The following PALM2AKAP2 variants were observed in gnomAD, a reference collection of about 807,000 sequenced individuals.
PALM2AKAP2 encodes PALM2 and AKAP2 fusion.
A neutral mutation model predicts 71.5 loss-of-function variants in PALM2AKAP2; 37 were observed. The ratio of observed to expected loss-of-function variants is 0.52; its 90% CI spans 0.40 to 0.68. The LOEUF (loss-of-function observed/expected upper bound fraction) is 0.68, where lower values mean the gene tolerates loss of function less well. Among genes scored for constraint, PALM2AKAP2 ranks in the 30% least tolerant of loss-of-function variants. The pLI, the probability that PALM2AKAP2 is intolerant of heterozygous loss-of-function variation, is 0.00. For synonymous variants in PALM2AKAP2, 468 were observed against 478.8 expected (o/e 0.98, Z 0.29); for missense variants, 1,224 against 1,191.8 (o/e 1.03, Z -0.40).
intron 1 of PALM2AKAP2, among the ~76,000 whole-genome samples, chr9:109,806,835 C>T (rs1024842375): frequency 4.6e-5 from 7 of 152,106 alleles, no homozygotes; most frequent in African/African-American, 1.7e-4. Context: ...CATCTATATA[C>T]CGTGGTAAGG....
chr9:109,949,939 A>G (rs1336464539), intron 6 of PALM2AKAP2, among the ~76,000 whole-genome samples: 2 of 152,322 alleles, frequency 1.3e-5, no homozygotes, highest in South Asian at 2.1e-4. Context: ...ACGGTGAGTC[A>G]GAGCCCTCTG....
At chr9:109,723,266 C>T (rs1367582023) in intron 1 of PALM2AKAP2, among the ~76,000 whole-genome samples, 1 of 152,168 alleles carries the variant, frequency 6.6e-6, no homozygotes, top group African/African-American at 2.4e-5. Flanking sequence ...GAGATCTCCT[C>T]CCCTGGCTCC....
Position 110,024,784 on chromosome 9 carries a change from CTT to C in PALM2AKAP2, c.582+8746_582+8747del. The C allele has an allele frequency of 6.5e-6, 4 of 616,204 alleles. No individual in the cohort carries two copies. In the South Asian group the frequency reaches 7.5e-5, roughly 11 times the overall value. The allele number at this position is 616,204 out of a possible 1,614,324, so 38.2% of individuals were successfully genotyped here. A position where few individuals can be genotyped will look rare whatever the true frequency, so the allele number is the denominator to read the frequency against. ...GGGTGATGACAGAGTATGACCCTGT[CTT>C]AAAAAAAAAAAAAGATATGCCAGTG... On this transcript the variant is annotated intron_variant, in intron 7 of 9. Coordinates refer to the PALM2AKAP2 transcript ENST00000302798.
intron 1 of PALM2AKAP2, among the ~76,000 whole-genome samples, chr9:110,056,115 C>T (rs1833834399): frequency 6.6e-6 from 1 of 152,228 alleles, no homozygotes; most frequent in Non-Finnish European, 1.5e-5. Flanking sequence ...TGCCTGACTT[C>T]AGCCTTAATG....
In PALM2AKAP2 at chr9:109,667,112, T is replaced by A. The variant is rs535331947; in HGVS notation, c.5+26246T>A. On this transcript the variant is annotated intron_variant, in intron 1 of 6. Transcript: ENST00000374531. ...AGCTGGAATGAACAACCTCCAACCA[T>A]GCTCGTATTCTGAGCCACTCAATTG... Among the ~76,000 whole-genome samples the A allele has an allele frequency of 2.6e-5, 4 of 152,272 alleles. No individual in the cohort carries two copies. In the East Asian group the frequency reaches 7.7e-4, roughly 29 times the overall value.
intron 1 of PALM2AKAP2, among the ~76,000 whole-genome samples, chr9:109,720,188 C>A (rs1169383939): frequency 1.3e-5 from 2 of 152,104 alleles, no homozygotes; most frequent in Non-Finnish European, 2.9e-5. Context: ...GGGGTTTCAC[C>A]ATGTTGGCCA....
intron 6 of PALM2AKAP2, among the ~76,000 whole-genome samples, chr9:109,983,184 A>G (rs189770130): frequency 9.9e-4 from 151 of 152,326 alleles, no homozygotes; most frequent in African/African-American, 3.6e-3. Flanking sequence ...GCGGACTCAC[A>G]TTAAAGTGTT....
In PALM2AKAP2 at chr9:110,094,253, G is replaced by A. The variant is rs571742228; in HGVS notation, c.157-41874G>A. On this transcript the variant is annotated intron_variant, in intron 1 of 3. Transcript: ENST00000374525. ...CTAATACCACAATGCACCACTGTAG[G>A]GTAGTTCCTCAGGAGAGAATAGTTT... Among the ~76,000 whole-genome samples, 6 of 152,268 alleles carry A rather than the reference G, an allele frequency of 3.9e-5. No homozygotes were observed. The South Asian group carries it at 1.2e-3, about 32-fold the overall frequency.
chr9:109,949,245 T>C (rs899783297), intron 6 of PALM2AKAP2, among the ~76,000 whole-genome samples: 5 of 152,142 alleles, frequency 3.3e-5, no homozygotes, highest in African/African-American at 9.7e-5. Flanking sequence ...AGTCGTCTCC[T>C]CACAGTCCTT....
At chr9:110,119,238 G>C (rs534701700) in intron 1 of PALM2AKAP2, among the ~76,000 whole-genome samples, 1 of 151,672 alleles carries the variant, frequency 6.6e-6, no homozygotes, top group East Asian at 1.9e-4. Context: ...AGCTGCTCGG[G>C]AGGCTGAAGC....
intron 7 of PALM2AKAP2, among the ~76,000 whole-genome samples, chr9:110,027,035 G>C (rs1054497038): frequency 1.3e-5 from 2 of 152,078 alleles, no homozygotes; most frequent in African/African-American, 4.8e-5. Context: ...AGAGCGAGAT[G>C]CAGTCTCAAA....
intron 1 of PALM2AKAP2, among the ~76,000 whole-genome samples, chr9:110,116,192 T>A (rs531366275): frequency 6.6e-6 from 1 of 152,344 alleles, no homozygotes; most frequent in Non-Finnish European, 1.5e-5. Context: ...AGTGCAGAGT[T>A]ACATTCTGTT....
At chr9:110,031,425 C>T (rs543363663) in intron 7 of PALM2AKAP2, among the ~76,000 whole-genome samples, 29 of 152,252 alleles carry the variant, frequency 1.9e-4, no homozygotes, top group African/African-American at 7.0e-4. Context: ...CCACTGCACC[C>T]CACCAGAGTG....
chr9:110,029,599 C>A (rs1475826191), intron 7 of PALM2AKAP2, among the ~76,000 whole-genome samples: 1 of 152,202 alleles, frequency 6.6e-6, no homozygotes, highest in Non-Finnish European at 1.5e-5. Context: ...ATGTCAGAGC[C>A]TGTCTGCAGA....
chr9:109,655,139 CA>C (rs1382835351), intron 1 of PALM2AKAP2, among the ~76,000 whole-genome samples: 1 of 151,730 alleles, frequency 6.6e-6, no homozygotes, highest in Non-Finnish European at 1.5e-5. Flanking sequence ...ACTAAAAGTA[CA>C]AAAAAATTAG....
chr9:109,925,077 A>T (rs1830924580), exon 5 of PALM2AKAP2: 8 of 1,614,024 alleles, frequency 5.0e-6, no homozygotes, highest in Non-Finnish European at 6.8e-6. Flanking sequence ...TCCAGTACGG[A>T]TGGAGGTAAG....
At chr9:110,066,352 C>T (rs1007027538) in intron 1 of PALM2AKAP2, among the ~76,000 whole-genome samples, 2 of 152,078 alleles carry the variant, frequency 1.3e-5, no homozygotes, top group East Asian at 1.9e-4. Flanking sequence ...ATCTGTAAAA[C>T]GCAGATAATA....
chr9:110,115,327 G>A (rs755475178), intron 1 of PALM2AKAP2, among the ~76,000 whole-genome samples: 1 of 152,220 alleles, frequency 6.6e-6, no homozygotes, highest in Non-Finnish European at 1.5e-5. Flanking sequence ...TCAGTGTCAA[G>A]GGCAAATATC....
intron 1 of PALM2AKAP2, among the ~76,000 whole-genome samples, chr9:109,667,014 G>A (rs1310470978): frequency 6.6e-6 from 1 of 152,172 alleles, no homozygotes; most frequent in African/African-American, 2.4e-5. Context: ...TCAGTCTTTG[G>A]AAAAGACAGA....
Sources: gnomAD v4.1 joint callset for allele counts (sites outside exome capture counted in the v4.1 genomes callset) on GRCh38, gnomAD v4.1.1 for gene constraint, MANE v1.5 for transcripts, NCBI Gene and HGNC (gene_info 2026-07-23, HGNC 2026-07-21) for gene names.